The following MARCHF1 variants were observed in gnomAD, a reference collection of about 807,000 sequenced individuals.
MARCHF1 encodes membrane associated ring-CH-type finger 1.
A neutral mutation model predicts 54.2 loss-of-function variants in MARCHF1; 40 were observed. That is an observed-to-expected ratio of 0.74 (90% confidence interval 0.57 to 0.96). MARCHF1 has a LOEUF of 0.96. Among genes scored for constraint, MARCHF1 ranks in the 40% least tolerant of loss-of-function variants. The probability of loss-of-function intolerance (pLI) is 0.00; values close to 1 mark genes in which losing one functional copy is unlikely to be tolerated. For missense variants in MARCHF1, 586 were observed against 656.5 expected (o/e 0.89, Z 1.17); for synonymous variants, 236 against 236.3 (o/e 1.00, Z 0.01).
chr4:164,263,990 G>A (rs1166149854), intron 1 of MARCHF1, among the ~76,000 whole-genome samples: 1 of 152,100 alleles, frequency 6.6e-6, no homozygotes, highest in Non-Finnish European at 1.5e-5. Flanking sequence ...TCCGACTACT[G>A]GGTATATACC....
intron 1 of MARCHF1, among the ~76,000 whole-genome samples, chr4:164,380,289 G>A (rs1252531646): frequency 1.4e-5 from 2 of 140,936 alleles, no homozygotes; most frequent in Non-Finnish European, 3.2e-5. Flanking sequence ...GAAATTTAAA[G>A]TGATTAAGTT....
At chr4:164,151,332 A>G (rs1729931082) in intron 1 of MARCHF1, among the ~76,000 whole-genome samples, 1 of 152,202 alleles carries the variant, frequency 6.6e-6, no homozygotes, top group African/African-American at 2.4e-5. Flanking sequence ...CATTAAGTTC[A>G]AAATTACGGA....
chr4:164,334,336 T>G (rs773705507), intron 1 of MARCHF1, among the ~76,000 whole-genome samples: 1 of 152,204 alleles, frequency 6.6e-6, no homozygotes, highest in Admixed American at 6.5e-5. Context: ...TAGGGGCTAA[T>G]GCAGCTTTGA....
intron 8 of MARCHF1, among the ~76,000 whole-genome samples, chr4:163,551,312 A>G (rs1739100199): frequency 6.6e-6 from 1 of 152,226 alleles, no homozygotes; most frequent in Non-Finnish European, 1.5e-5. Flanking sequence ...AACAATTTCA[A>G]ATACTCTGGG....
rs1476724302 is a variant in MARCHF1 at position 163,737,636 on chromosome 4, C to G, written c.112-36773G>C. 3.2e-5 allele frequency among the ~76,000 whole-genome samples: 4 copies of G among 126,554 alleles called. 1 individual carries two copies. The highest frequency in any genetic ancestry group is 1.0e-4 in the African/African-American group (4 of 39,376). The allele number at this position is 126,554 out of a possible 152,430, so 83.0% of individuals were successfully genotyped here. A position where few individuals can be genotyped will look rare whatever the true frequency, so the allele number is the denominator to read the frequency against. ...TATCATTGTTGGACATTTGGGTTTG[C>G]AGCCAAAAAACACATGAAGAAATGC... is the stretch of plus-strand genomic sequence containing the variant. On this transcript the variant is annotated intron_variant, in intron 4 of 9. Transcript: ENST00000514618.
At chr4:163,970,105 T>C (rs1752520454) in intron 3 of MARCHF1, among the ~76,000 whole-genome samples, 1 of 152,232 alleles carries the variant, frequency 6.6e-6, no homozygotes, top group Non-Finnish European at 1.5e-5. Context: ...TGACTTAGAC[T>C]ACTCTCACAC....
intron 1 of MARCHF1, chr4:164,188,678 C>T: frequency 8.9e-7 from 1 of 1,120,744 alleles, no homozygotes. Context: ...GCTCATCGGC[C>T]GCACGTGGAA....
intron 3 of MARCHF1, among the ~76,000 whole-genome samples, chr4:163,968,332 G>A (rs59189493): frequency 0.015 from 2,320 of 152,120 alleles, 94 homozygotes; most frequent in East Asian, 0.15. Flanking sequence ...CATAGGCAGG[G>A]CAAAATACAT....
intron 3 of MARCHF1, among the ~76,000 whole-genome samples, chr4:163,901,837 G>A (rs1433102855): frequency 1.3e-5 from 2 of 152,068 alleles, no homozygotes; most frequent in Non-Finnish European, 2.9e-5. Flanking sequence ...AACCAACAAC[G>A]GTACAAATGT....
chr4:164,242,410 T>G (rs1028716774), intron 1 of MARCHF1, among the ~76,000 whole-genome samples: 24 of 145,354 alleles, frequency 1.7e-4, no homozygotes, highest in Non-Finnish European at 3.5e-4. Context: ...GACCTGCAGC[T>G]GAGGGTCCTG....
intron 3 of MARCHF1, among the ~76,000 whole-genome samples, chr4:163,957,085 A>G (rs1351860748): frequency 1.3e-5 from 2 of 152,090 alleles, no homozygotes; most frequent in African/African-American, 4.8e-5. Flanking sequence ...GGTAAACAAT[A>G]GAATCTGAAT....
intron 4 of MARCHF1, among the ~76,000 whole-genome samples, chr4:163,841,261 A>G (rs1426837057): frequency 2.0e-5 from 3 of 152,016 alleles, no homozygotes; most frequent in African/African-American, 7.2e-5. Context: ...ACTCCAATAT[A>G]AACAATAGAC....
chr4:163,612,755 T>C lies in MARCHF1; in HGVS notation c.526A>G (p.Arg176Gly), dbSNP rs1247613116. 6.5e-7 allele frequency: 1 copy of C among 1,535,464 alleles called. No homozygotes were observed. The highest frequency in any genetic ancestry group is 2.0e-5 in the Admixed American group (1 of 50,970). ...GACAGTCTGAATTTAACCTGGGCTC[T>C]TCTTTTTGCCTGAATCCAATGACTC... ...DESHWIQAKR[R>G]AQVKFRLSRR... The change falls in exon 7 of 10, where the codon AGA (arginine) becomes GGA (glycine). Residue 176 changes from arginine (R) to glycine (G), a missense_variant. This residue lies in a region of MARCHF1 where 387 missense variants were observed against 394.6 expected (regional missense o/e 0.98). Transcript: ENST00000514618.
At chr4:164,162,662 C>T (rs1404256426) in intron 1 of MARCHF1, among the ~76,000 whole-genome samples, 1 of 151,926 alleles carries the variant, frequency 6.6e-6, no homozygotes. Context: ...GAAAAATACA[C>T]AACTGAGGTT....
At chr4:164,241,690 GATTTCTGC>G (rs1560969421) in intron 1 of MARCHF1, among the ~76,000 whole-genome samples, 1 of 152,178 alleles carries the variant, frequency 6.6e-6, no homozygotes, top group Non-Finnish European at 1.5e-5. Context: ...GAAGACGGGT[GATTTCTGC>G]ATTTCCATCT....
intron 1 of MARCHF1, among the ~76,000 whole-genome samples, chr4:164,303,167 G>A (rs1184487885): frequency 2.0e-5 from 3 of 152,128 alleles, no homozygotes; most frequent in African/African-American, 4.8e-5. Context: ...ATGCCAATAT[G>A]TGAACATCCA....
intron 1 of MARCHF1, among the ~76,000 whole-genome samples, chr4:164,245,264 T>C (rs1474146887): frequency 6.6e-6 from 1 of 152,150 alleles, no homozygotes; most frequent in African/African-American, 2.4e-5. Context: ...TCCACCATGA[T>C]CAAGTGGGCT....
At chr4:163,741,038 G>T (rs1746180251) in intron 4 of MARCHF1, among the ~76,000 whole-genome samples, 1 of 152,044 alleles carries the variant, frequency 6.6e-6, no homozygotes, top group Non-Finnish European at 1.5e-5. Context: ...TGGCTCTTTT[G>T]TCTACTTAGT....
intron 9 of MARCHF1, 139 bp downstream of exon 9, chr4:163,545,455 TAG>T (rs1738865697): frequency 4.3e-6 from 3 of 693,118 alleles, no homozygotes; most frequent in Non-Finnish European, 7.0e-6. Flanking sequence ...ATAACATGAT[TAG>T]GGAAGAATCA....
Sources: allele counts gnomAD v4.1 joint callset (sites outside exome capture counted in the v4.1 genomes callset), GRCh38; gene constraint gnomAD v4.1.1; regional missense constraint gnomAD v4.1.1; transcripts MANE v1.5; gene names NCBI Gene and HGNC (gene_info 2026-07-23, HGNC 2026-07-21).